The following KHDRBS3 variants were observed in gnomAD, a reference collection of about 807,000 sequenced individuals.
KHDRBS3 encodes KH domain-containing, RNA-binding, signal transduction-associated protein 3.
In KHDRBS3, 23 loss-of-function variants were observed where a neutral mutation model predicts 45.6. The observed-to-expected ratio is 0.50, with a 90% CI of 0.36 to 0.72. The LOEUF (loss-of-function observed/expected upper bound fraction) is 0.72, where lower values mean the gene tolerates loss of function less well. Ranked by LOEUF, KHDRBS3 falls within the 30% of genes least tolerant of loss-of-function variation. KHDRBS3 has a pLI of 0.00. For missense variants in KHDRBS3, 352 were observed against 424.8 expected (o/e 0.83, Z 1.51); for synonymous variants, 162 against 156.5 (o/e 1.04, Z -0.26).
rs79767032 is a variant in KHDRBS3 at position 135,521,140 on chromosome 8, G to A, written c.89-97G>A. 911 of 713,084 alleles carry A rather than the reference G, an allele frequency of 1.3e-3. 14 individuals are homozygous for A. In the African/African-American group the frequency reaches 0.013, roughly 11 times the overall value. The allele number at this position is 713,084 out of a possible 1,614,324, so 44.2% of individuals were successfully genotyped here. ...CCTCAATTTAATAGTCCATACTTCA[G>A]TAGTAGTTGATTTCATGCCACTACA... is the stretch of plus-strand genomic sequence containing the variant. On this transcript the variant is annotated intron_variant, in intron 1 of 8. Coordinates refer to ENST00000355849, the MANE Select transcript of KHDRBS3 (RefSeq NM_006558.3).
rs550643961 is a variant in KHDRBS3, at chr8:135,594,657, A to G, written c.808-12298A>G. 7.9e-4 allele frequency among the ~76,000 whole-genome samples: 121 copies of G among 152,352 alleles called. No individual in the cohort carries two copies. In the Middle Eastern group the frequency reaches 0.027, roughly 34 times the overall value. ...ATCTTTCAGAGCATACTCTTGCTGTATATTGGACATTAATATATAAAAATT... is the reference window on the plus strand; with the variant it reads ...ATCTTTCAGAGCATACTCTTGCTGTGTATTGGACATTAATATATAAAAATT... On this transcript the variant is annotated intron_variant, in intron 6 of 8. Transcript: ENST00000355849.
At chr8:135,482,954 T>C (rs1442508445) in intron 1 of KHDRBS3, among the ~76,000 whole-genome samples, 1 of 151,634 alleles carries the variant, frequency 6.6e-6, no homozygotes. Flanking sequence ...TAAGGCTGTT[T>C]CCATCAGAAC....
At chr8:135,594,206 A>G (rs192338041) in intron 6 of KHDRBS3, among the ~76,000 whole-genome samples, 11 of 152,356 alleles carry the variant, frequency 7.2e-5, no homozygotes, top group African/African-American at 2.4e-4. Flanking sequence ...TTAAAAAGCA[A>G]TTTTAAAATA....
At chr8:135,651,279 T>C (rs1384730445), downstream of KHDRBS3, among the ~76,000 whole-genome samples, 6 of 151,046 alleles carry the variant, frequency 4.0e-5, no homozygotes. Flanking sequence ...ACTTATAAAA[T>C]AGACATAGTC....
At chr8:135,498,157 T>TA (rs1283917083) in intron 1 of KHDRBS3, among the ~76,000 whole-genome samples, 1 of 152,192 alleles carries the variant, frequency 6.6e-6, no homozygotes, top group African/African-American at 2.4e-5. Flanking sequence ...CAGTTCTATC[T>TA]ATATTGCACT....
intron 2 of KHDRBS3, among the ~76,000 whole-genome samples, chr8:135,530,211 A>G (rs1825403489): frequency 6.6e-6 from 1 of 152,210 alleles, no homozygotes; most frequent in Non-Finnish European, 1.5e-5. Flanking sequence ...GTGGTTTAGC[A>G]ATATACTGCT....
intron 3 of KHDRBS3, among the ~76,000 whole-genome samples, chr8:135,545,542 C>A (rs191725638): frequency 6.6e-6 from 1 of 152,160 alleles, no homozygotes; most frequent in African/African-American, 2.4e-5. Flanking sequence ...GTTATTCAGC[C>A]GCACACAGAC....
At chr8:135,602,531 G>A (rs922858497) in intron 6 of KHDRBS3, among the ~76,000 whole-genome samples, 1 of 151,850 alleles carries the variant, frequency 6.6e-6, no homozygotes, top group Admixed American at 6.6e-5. Context: ...TAAGGAATGA[G>A]TGTCATAACT....
At chr8:135,629,420 T>C (rs1287552991) in intron 7 of KHDRBS3, among the ~76,000 whole-genome samples, 1 of 152,218 alleles carries the variant, frequency 6.6e-6, no homozygotes, top group Non-Finnish European at 1.5e-5. Flanking sequence ...GCCAGATTTA[T>C]TCATTCATTC....
intron 6 of KHDRBS3, among the ~76,000 whole-genome samples, chr8:135,592,708 T>C (rs1007343100): frequency 6.6e-6 from 1 of 151,918 alleles, no homozygotes; most frequent in Non-Finnish European, 1.5e-5. Context: ...TTTATATATA[T>C]GGGAGAGATA....
intron 1 of KHDRBS3, among the ~76,000 whole-genome samples, chr8:135,490,344 G>T (rs1462585350): frequency 6.6e-6 from 1 of 152,110 alleles, no homozygotes; most frequent in East Asian, 1.9e-4. Context: ...TTGATCCCTA[G>T]TTCCTGGTCA....
chr8:135,517,123 C>A (rs1876998), intron 1 of KHDRBS3, among the ~76,000 whole-genome samples: 1 of 151,344 alleles, frequency 6.6e-6, no homozygotes, highest in African/African-American at 2.4e-5. Flanking sequence ...AAGAATTCTG[C>A]AGTGAGAGGT....
intron 1 of KHDRBS3, among the ~76,000 whole-genome samples, chr8:135,510,583 CG>C (rs1824230717): frequency 6.6e-6 from 1 of 152,270 alleles, no homozygotes; most frequent in East Asian, 1.9e-4. Context: ...TATAGGCACA[CG>C]CCACCATGCC....
At chr8:135,619,739 TG>T in intron 7 of KHDRBS3, among the ~76,000 whole-genome samples, 1 of 152,248 alleles carries the variant, frequency 6.6e-6, no homozygotes, top group Non-Finnish European at 1.5e-5. Context: ...TTTGGAATTT[TG>T]GAAAAACAAT....
At chr8:135,470,493 G>A (rs1056156610) in intron 1 of KHDRBS3, among the ~76,000 whole-genome samples, 4 of 151,874 alleles carry the variant, frequency 2.6e-5, no homozygotes, top group African/African-American at 9.7e-5. Context: ...GACAAAAAAA[G>A]CCATGCCATT....
chr8:135,504,601 A>C (rs1823897445), intron 1 of KHDRBS3, among the ~76,000 whole-genome samples: 1 of 152,234 alleles, frequency 6.6e-6, no homozygotes, highest in East Asian at 1.9e-4. Flanking sequence ...TGAAGATGAT[A>C]AACACTTTCC....
chr8:135,558,805 A>G (rs1827023225), intron 5 of KHDRBS3, among the ~76,000 whole-genome samples: 1 of 152,020 alleles, frequency 6.6e-6, no homozygotes, highest in Non-Finnish European at 1.5e-5. Context: ...AAAATGATAG[A>G]AATGTATTCT....
intron 2 of KHDRBS3, among the ~76,000 whole-genome samples, chr8:135,529,438 G>A (rs1192392004): frequency 6.6e-6 from 1 of 152,208 alleles, no homozygotes; most frequent in African/African-American, 2.4e-5. Context: ...TACAGTGCTT[G>A]ATTATTGAGG....
At chr8:135,564,482 T>C (rs1827308465) in intron 5 of KHDRBS3, among the ~76,000 whole-genome samples, 1 of 152,218 alleles carries the variant, frequency 6.6e-6, no homozygotes, top group Non-Finnish European at 1.5e-5. Flanking sequence ...TGTTTGGTAC[T>C]CACAATTTAA....
Sources: gnomAD v4.1 joint callset for allele counts (sites outside exome capture counted in the v4.1 genomes callset) on GRCh38, gnomAD v4.1.1 for gene constraint, MANE v1.5 for transcripts, NCBI Gene and HGNC (gene_info 2026-07-23, HGNC 2026-07-21) for gene names.